The following CSMD3 variants were observed in gnomAD, a reference collection of about 807,000 sequenced individuals.
CSMD3 encodes the protein CUB and sushi domain-containing protein 3.
In CSMD3, 177 loss-of-function variants were observed where a neutral mutation model predicts 435.2. That is an observed-to-expected ratio of 0.41 (90% CI 0.36 to 0.46). The LOEUF is 0.46. Ranked by LOEUF, CSMD3 falls within the 20% of genes least tolerant of loss-of-function variation. The pLI is 0.34. For missense variants in CSMD3, 4,265 were observed against 4,504.6 expected (o/e 0.95, Z 1.52); for synonymous variants, 1,656 against 1,520.5 (o/e 1.09, Z -2.07).
chr8:112,407,260 GTAGAATA>G (rs1831941562), intron 34 of CSMD3, among the ~76,000 whole-genome samples: 1 of 151,856 alleles, frequency 6.6e-6, no homozygotes, highest in Non-Finnish European at 1.5e-5. Context: ...TTTGGACTAG[GTAGAATA>G]TATGTCAGAC....
chr8:113,255,486 GCTT>G (rs1466777435), intron 3 of CSMD3, among the ~76,000 whole-genome samples: 2 of 151,918 alleles, frequency 1.3e-5, no homozygotes, highest in Non-Finnish European at 1.5e-5. Context: ...ACAAAACAAT[GCTT>G]TTTTCAGTTT....
intron 3 of CSMD3, among the ~76,000 whole-genome samples, chr8:113,263,415 G>A (rs1302502809): frequency 6.6e-6 from 1 of 151,840 alleles, no homozygotes; most frequent in African/African-American, 2.4e-5. Context: ...AGTGCTTTGA[G>A]GTCAATTCAC....
At chr8:112,900,867 G>A (rs563400033) in intron 10 of CSMD3, among the ~76,000 whole-genome samples, 1 of 151,296 alleles carries the variant, frequency 6.6e-6, no homozygotes, top group Non-Finnish European at 1.5e-5. Flanking sequence ...TGTTAATGAG[G>A]AGATATTAGG....
chr8:113,186,464 T>C (rs528920413), intron 3 of CSMD3, among the ~76,000 whole-genome samples: 36 of 152,056 alleles, frequency 2.4e-4, no homozygotes, highest in African/African-American at 8.7e-4. Context: ...AACCACCGTC[T>C]ATAAACCAAG....
At chr8:112,233,906 C>T (rs933677971) in intron 68 of CSMD3, among the ~76,000 whole-genome samples, 4 of 152,082 alleles carry the variant, frequency 2.6e-5, no homozygotes, top group African/African-American at 9.7e-5. Flanking sequence ...TAAATTCATG[C>T]TTCAATATAA....
At chr8:112,731,182 C>T (rs958068745) in intron 13 of CSMD3, among the ~76,000 whole-genome samples, 1 of 122,258 alleles carries the variant, frequency 8.2e-6, no homozygotes, top group Non-Finnish European at 1.8e-5. Flanking sequence ...ATCAATGTTG[C>T]TGATAATTTC....
intron 1 of CSMD3, among the ~76,000 whole-genome samples, chr8:113,337,520 A>G (rs2132820765): frequency 6.6e-6 from 1 of 152,318 alleles, no homozygotes; most frequent in East Asian, 1.9e-4. Flanking sequence ...TATAGCTAAC[A>G]TTATTAAAAT....
intron 1 of CSMD3, among the ~76,000 whole-genome samples, chr8:113,335,261 G>A (rs1316054337): frequency 6.6e-6 from 1 of 151,972 alleles, no homozygotes; most frequent in Non-Finnish European, 1.5e-5. Context: ...ACAGAATCAT[G>A]AGCCAATTAA....
intron 32 of CSMD3, among the ~76,000 whole-genome samples, chr8:112,458,228 G>C (rs5004569): frequency 0.43 from 64,246 of 150,790 alleles, 14,630 homozygotes; most frequent in Middle Eastern, 0.6. Context: ...CACACACACA[G>C]AGAAACAGAG....
chr8:112,567,835 T>C (rs1829182039), intron 24 of CSMD3, among the ~76,000 whole-genome samples: 1 of 152,148 alleles, frequency 6.6e-6, no homozygotes, highest in Non-Finnish European at 1.5e-5. Flanking sequence ...GTAGTAATTT[T>C]CTCTTACCCT....
At chr8:113,180,276 T>C (rs2092405069) in intron 3 of CSMD3, among the ~76,000 whole-genome samples, 1 of 151,980 alleles carries the variant, frequency 6.6e-6, no homozygotes, top group Non-Finnish European at 1.5e-5. Context: ...AAATCCATTT[T>C]CCAAATTTTT....
At chr8:113,392,647 A>T (rs1208430566) in intron 1 of CSMD3, among the ~76,000 whole-genome samples, 1 of 152,106 alleles carries the variant, frequency 6.6e-6, no homozygotes, top group Non-Finnish European at 1.5e-5. Context: ...TGGATATTAG[A>T]TTCTCAACTA....
chr8:113,221,823 GATTT>G (rs1462215404), intron 3 of CSMD3, among the ~76,000 whole-genome samples: 1 of 151,130 alleles, frequency 6.6e-6, no homozygotes, highest in Non-Finnish European at 1.5e-5. Flanking sequence ...CCCTTAAACT[GATTT>G]ATTTTCCTCA....
intron 13 of CSMD3, among the ~76,000 whole-genome samples, chr8:112,695,838 G>A (rs557515535): frequency 7.2e-5 from 11 of 152,268 alleles, no homozygotes; most frequent in African/African-American, 2.2e-4. Context: ...AAACCCCATC[G>A]TCTCAGCCCA....
intron 6 of CSMD3, among the ~76,000 whole-genome samples, chr8:113,008,937 T>C (rs1456660476): frequency 1.3e-5 from 2 of 151,442 alleles, no homozygotes; most frequent in Non-Finnish European, 3.0e-5. Context: ...TAATGCCCTA[T>C]AATTTCAAGA....
intron 9 of CSMD3, among the ~76,000 whole-genome samples, chr8:112,937,325 T>G (rs1273620873): frequency 6.6e-6 from 1 of 151,218 alleles, no homozygotes; most frequent in Non-Finnish European, 1.5e-5. Context: ...CTTTTATTAC[T>G]CTTTGTTTTT....
At chr8:112,794,333 G>T (rs939379255) in intron 13 of CSMD3, among the ~76,000 whole-genome samples, 4 of 124,200 alleles carry the variant, frequency 3.2e-5, no homozygotes, top group Middle Eastern at 6.1e-3. Context: ...TCACTGTGTA[G>T]CCCAGGTTAG....
chr8:113,287,329 A>T (rs2093654379), intron 2 of CSMD3, among the ~76,000 whole-genome samples: 1 of 152,056 alleles, frequency 6.6e-6, no homozygotes, highest in South Asian at 2.1e-4. Context: ...CTATTAGCCT[A>T]TTTAATGTCA....
rs148561716 is a variant in CSMD3, at chr8:112,312,930, A to G, written c.7696+976T>C. ...GAATTTTCGGTTGAATTGATTACCA[A>G]TGACACATGATTTGGGAAGCATGGT... is the stretch of plus-strand genomic sequence containing the variant. On this transcript the variant is annotated intron_variant, in intron 49 of 70. Coordinates refer to ENST00000297405, the MANE Select transcript of CSMD3 (RefSeq NM_198123.2). 5.1e-3 allele frequency among the ~76,000 whole-genome samples: 777 copies of G among 152,262 alleles called. 8 individuals are homozygous for G. The highest frequency in any genetic ancestry group is 0.018 in the African/African-American group (740 of 41,578).
Sources: gnomAD v4.1 joint callset for allele counts (sites outside exome capture counted in the v4.1 genomes callset) on GRCh38, gnomAD v4.1.1 for gene constraint, MANE v1.5 for transcripts, NCBI Gene and HGNC (gene_info 2026-07-23, HGNC 2026-07-21) for gene names.